The following DST variants were observed in gnomAD, a reference collection of about 807,000 sequenced individuals.
DST encodes dystonin, also known as bullous pemphigoid antigen.
DST carries 253 observed loss-of-function variants against 875.2 expected under a neutral mutation model. That is an observed-to-expected ratio of 0.29 (90% CI 0.26 to 0.32). The LOEUF is 0.32. DST is among the 10% of genes least tolerant of loss of function. DST has a pLI of 1.00. For synonymous variants in DST, 3,124 were observed against 3,197.1 expected (o/e 0.98, Z 0.77); for missense variants, 8,287 against 9,111.6 (o/e 0.91, Z 3.68).
chr6:56,781,031 G>C (rs1387241330), intron 4 of DST, among the ~76,000 whole-genome samples: 1 of 151,992 alleles, frequency 6.6e-6, no homozygotes, highest in African/African-American at 2.4e-5. Context: ...AGATCAGATA[G>C]TTGTAGATAT....
At chr6:56,704,068 T>G (rs1453720596) in intron 6 of DST, among the ~76,000 whole-genome samples, 1 of 152,186 alleles carries the variant, frequency 6.6e-6, no homozygotes, top group Non-Finnish European at 1.5e-5. Context: ...ATTATATAAG[T>G]GAAGTAATCA....
intron 4 of DST, among the ~76,000 whole-genome samples, chr6:56,789,461 CAT>C (rs2099711267): frequency 6.6e-6 from 1 of 152,060 alleles, no homozygotes; most frequent in Non-Finnish European, 1.5e-5. Context: ...GTAACTATAA[CAT>C]AAAATTTACC....
chr6:56,532,532 T>C, intron 63 of DST, 22 bp from the exon 64 acceptor site: 3 of 1,544,420 alleles, frequency 1.9e-6, no homozygotes, highest in Non-Finnish European at 2.6e-6. Context: ...ACATTAAATA[T>C]AAAAAAGCAA....
intron 90 of DST, among the ~76,000 whole-genome samples, chr6:56,481,735 G>A (rs2095409315): frequency 1.3e-5 from 2 of 152,146 alleles, no homozygotes; most frequent in Admixed American, 1.3e-4. Flanking sequence ...CATGATAACT[G>A]CAACAATCTT....
At chr6:56,569,785 A>C in intron 54 of DST, 71 bp downstream of exon 54, 1 of 1,380,252 alleles carries the variant, frequency 7.2e-7, no homozygotes, top group South Asian at 1.3e-5. Context: ...ATCAAAGAAA[A>C]CTACCATTAG....
chr6:56,851,427 G>A lies in DST; in HGVS notation c.595C>T (p.Pro199Ser). 6.2e-7 allele frequency: 1 copy of A among 1,613,566 alleles called. No individual in the cohort carries two copies. Among genetic ancestry groups the A allele is most frequent in the Non-Finnish European group, 8.5e-7 (1 of 1,179,880 alleles). ...ATCCGAAGCACTGCCCTCTCGGCAGGGTCCAGCACTGAGCCCCCTTGAATC... is the reference window on the plus strand; with the variant it reads ...ATCCGAAGCACTGCCCTCTCGGCAGAGTCCAGCACTGAGCCCCCTTGAATC... The part of the protein sequence containing the change: ...RKIQGGSVLD[P>S]AERAVLRIAD... Residue 199 changes from proline to serine, a missense_variant, in exon 4 of 104, where the codon CCT becomes TCT. Around this residue, in one of 10 missense-constraint regions of DST, gnomAD observed 1,160 missense variants for 1,424.3 expected, o/e 0.81. Transcript: ENST00000680361.
intron 2 of DST, among the ~76,000 whole-genome samples, chr6:56,928,701 A>T (rs1318057823): frequency 6.6e-6 from 1 of 152,236 alleles, no homozygotes; most frequent in Non-Finnish European, 1.5e-5. Flanking sequence ...TTCTACTATA[A>T]TAAAATCCAC....
chr6:56,620,544 C>T, intron 36 of DST: 1 of 1,614,056 alleles, frequency 6.2e-7, no homozygotes, highest in Non-Finnish European at 8.5e-7. Flanking sequence ...GCCTCCCTGA[C>T]CTTCGGAAGT....
At chr6:56,672,545 G>C (rs1460844921) in intron 9 of DST, among the ~76,000 whole-genome samples, 1 of 151,968 alleles carries the variant, frequency 6.6e-6, no homozygotes, top group Non-Finnish European at 1.5e-5. Context: ...TTTGGCCCAA[G>C]TTCCAATGAT....
chr6:56,722,833 A>G (rs2099428012), intron 5 of DST, among the ~76,000 whole-genome samples: 1 of 152,220 alleles, frequency 6.6e-6, no homozygotes, highest in Admixed American at 6.5e-5. Flanking sequence ...AGATAATATA[A>G]ACATAGTTGA....
intron 2 of DST, among the ~76,000 whole-genome samples, chr6:56,916,026 A>G (rs1431572437): frequency 6.6e-6 from 1 of 152,340 alleles, no homozygotes; most frequent in Admixed American, 6.5e-5. Context: ...AAGATGGCAG[A>G]TAGTTTAGAC....
intron 9 of DST, among the ~76,000 whole-genome samples, chr6:56,698,248 G>A (rs900849614): frequency 2.0e-5 from 3 of 151,308 alleles, no homozygotes; most frequent in East Asian, 1.9e-4. Context: ...AATCTATCCT[G>A]TTCCCAACAA....
Position 56,469,969 on chromosome 6 carries a change from AATG to A in DST, c.22477-15_22477-13del. 1.9e-6 allele frequency: 3 copies of A among 1,613,164 alleles called. No individual in the cohort carries two copies. Among genetic ancestry groups the A allele is most frequent in the South Asian group, 1.1e-5 (1 of 91,066 alleles). On this transcript the variant is annotated splice_polypyrimidine_tract_variant and intron_variant, in intron 96 of 103. Transcript: ENST00000680361. ...ACCTGCCTTGTCACCTGCCAAAAAC[AATG>A]ATGAAATATTTACTTTAATGTCAAT... is the stretch of plus-strand genomic sequence containing the variant.
At chr6:56,614,590 A>G in intron 36 of DST, 106 bp from the exon 37 acceptor site, 1 of 1,345,732 alleles carries the variant, frequency 7.4e-7, no homozygotes, top group Non-Finnish European at 9.5e-7. Context: ...TTTTCATCAC[A>G]CACAGGTTAC....
chr6:56,633,791 C>T (rs748725386), intron 27 of DST, among the ~76,000 whole-genome samples: 17 of 152,132 alleles, frequency 1.1e-4, no homozygotes, highest in African/African-American at 3.6e-4. Context: ...CGTGAGCCAC[C>T]GCGCCCAGCC....
At chr6:56,841,722 G>T (rs2099800257) in intron 4 of DST, among the ~76,000 whole-genome samples, 1 of 151,914 alleles carries the variant, frequency 6.6e-6, no homozygotes, top group South Asian at 2.1e-4. Flanking sequence ...CTTCAATAAG[G>T]TTTGTTGGTC....
At position 56,530,076 on chromosome 6, in the gene DST, T is replaced by C; in HGVS notation, c.17166A>G (p.Glu5722=). 1 of 1,611,960 alleles carries C rather than the reference T, an allele frequency of 6.2e-7. No individual in the cohort carries two copies. The highest frequency in any genetic ancestry group is 1.1e-5 in the South Asian group (1 of 90,642). The change falls in exon 65 of 104, where the codon GAA becomes GAG. Residue 5722 remains glutamate (E), a synonymous_variant. Transcript: ENST00000680361. ...TGGTTGTAAGCCACTCGTTCAGTGGTTCTAAGGTTTCATGAAATTGCTGTG... is the reference window on the plus strand; with the variant it reads ...TGGTTGTAAGCCACTCGTTCAGTGGCTCTAAGGTTTCATGAAATTGCTGTG... ...VVAQQFHETL[E]PLNEWLTTIE...
At position 56,954,693 on chromosome 6, in the gene DST, AG is replaced by A; in HGVS notation, c.-107del. On this transcript the variant is annotated 5_prime_UTR_variant, in exon 1 of 104. An upstream open reading frame in the 5' UTR loses its in-frame stop. Transcript: ENST00000680361. ...CGGCGGGCACGGGTGAGCGCGGCTCAGCGCGTCATGCCTGGCGCTCGCGGCC... is the reference window on the plus strand; with the variant it reads ...CGGCGGGCACGGGTGAGCGCGGCTCACGCGTCATGCCTGGCGCTCGCGGCC... 2 of 706,882 alleles carry A rather than the reference AG, an allele frequency of 2.8e-6. No homozygotes were observed. The highest frequency in any genetic ancestry group is 3.6e-6 in the Non-Finnish European group (2 of 562,554). 43.8% of individuals were successfully genotyped at this position (706,882 alleles called of 1,614,324 possible). A position where few individuals can be genotyped will look rare whatever the true frequency, so the allele number is the denominator to read the frequency against.
At chr6:56,718,879 A>T (rs1452778911) in intron 5 of DST, among the ~76,000 whole-genome samples, 1 of 152,226 alleles carries the variant, frequency 6.6e-6, no homozygotes, top group Non-Finnish European at 1.5e-5. Flanking sequence ...AAACTTTATC[A>T]GGGGTGGTCT....
Sources: gnomAD v4.1 joint callset for allele counts (sites outside exome capture counted in the v4.1 genomes callset) on GRCh38, gnomAD v4.1.1 for gene constraint, gnomAD v4.1.1 regional missense constraint, MANE v1.5 for transcripts, NCBI Gene and HGNC (gene_info 2026-07-23, HGNC 2026-07-21) for gene names.